The following MYO16 variants were observed in gnomAD, a reference collection of about 807,000 sequenced individuals.
MYO16 encodes the protein myosin XVI.
Under a neutral mutation model 205.3 loss-of-function variants are expected in MYO16, and 94 were observed. The ratio of observed to expected loss-of-function variants is 0.46; its 90% CI spans 0.39 to 0.54. The LOEUF (loss-of-function observed/expected upper bound fraction) is 0.54. Among genes scored for constraint, MYO16 ranks in the 20% least tolerant of loss-of-function variants. The probability of loss-of-function intolerance (pLI) is 0.00; values close to 1 mark genes in which losing one functional copy is unlikely to be tolerated. For synonymous variants in MYO16, 988 were observed against 954.0 expected, an observed-to-expected ratio of 1.04 and a Z score of -0.66; for missense variants, 2,315 against 2,387.5, an observed-to-expected ratio of 0.97 and a Z score of 0.63.
chr13:109,101,945 C>T (rs1888980263), intron 28 of MYO16: 1 of 152,062 alleles, frequency 6.6e-6, no homozygotes, highest in Admixed American at 6.6e-5. Context: ...GTGGCCCAGT[C>T]TAAGTAAAAC....
the MYO16 span, among the ~76,000 whole-genome samples, chr13:108,518,541 C>A: frequency 6.6e-6 from 1 of 152,092 alleles, no homozygotes; most frequent in Admixed American, 6.5e-5. Flanking sequence ...TTTAAAATAT[C>A]CCACTGGAAG....
At chr13:109,120,269 C>T (rs547592167) in intron 28 of MYO16, 101 bp from the exon 29 acceptor site, 1 of 780,200 alleles carries the variant, frequency 1.3e-6, no homozygotes, top group South Asian at 1.9e-5. Flanking sequence ...GAGTTTGTTT[C>T]TTCTAATCCT....
chr13:108,998,394 C>T lies in MYO16; in HGVS notation c.2442+5946C>T, dbSNP rs565939207. Among the ~76,000 whole-genome samples the T allele has an allele frequency of 2.6e-5, 4 of 152,234 alleles. No individual in the cohort carries two copies. The South Asian group carries it at 6.2e-4, about 24-fold the overall frequency. On this transcript the variant is annotated intron_variant, in intron 21 of 34. Coordinates refer to ENST00000457511, the MANE Select transcript of MYO16 (RefSeq NM_001198950.3). ...ACCCTGTTCTAGGCACTAAAGTTTACATAGACATTATGGTATGGCAGGTAA... is the reference window on the plus strand; with the variant it reads ...ACCCTGTTCTAGGCACTAAAGTTTATATAGACATTATGGTATGGCAGGTAA...
At chr13:108,745,482 C>G (rs1885032066) in intron 4 of MYO16, among the ~76,000 whole-genome samples, 1 of 152,180 alleles carries the variant, frequency 6.6e-6, no homozygotes, top group African/African-American at 2.4e-5. Context: ...AGCACAAAGT[C>G]AAGAGAGAGA....
intron 10 of MYO16, among the ~76,000 whole-genome samples, chr13:108,845,770 G>A (rs1031367835): frequency 3.3e-5 from 5 of 152,148 alleles, no homozygotes; most frequent in Non-Finnish European, 5.9e-5. Flanking sequence ...AGGCTGTAGT[G>A]CAGTGTCACA....
chr13:108,816,671 AT>A (rs1875630280), intron 7 of MYO16, among the ~76,000 whole-genome samples: 1 of 152,186 alleles, frequency 6.6e-6, no homozygotes, highest in Non-Finnish European at 1.5e-5. Context: ...TTCCTGCATC[AT>A]GTAATTCCCG....
chr13:108,971,349 TTATATATATATA>T (rs60564701), intron 20 of MYO16, among the ~76,000 whole-genome samples: 1 of 144,272 alleles, frequency 6.9e-6, no homozygotes, highest in Non-Finnish European at 1.5e-5. Context: ...TGTGTGTTGA[TTATATATATATA>T]TATATATATA....
At chr13:108,519,067 A>G in the MYO16 span, among the ~76,000 whole-genome samples, 22,129 of 152,182 alleles carry the variant, frequency 0.15, 1,959 homozygotes, top group Non-Finnish European at 0.2. Context: ...AGTGTTGAAA[A>G]TAGAAAAAAA....
In MYO16 at chr13:108,855,290, T is replaced by TTC. The variant is rs1555305950; in HGVS notation, c.1249-153_1249-152insTC. 1,185 of 393,688 alleles carry TTC rather than the reference T, an allele frequency of 3.0e-3. 2 individuals carry two copies. Among genetic ancestry groups the TTC allele is most frequent in the Non-Finnish European group, 3.6e-3 (803 of 221,216 alleles). 24.4% of individuals were successfully genotyped at this position (393,688 alleles called of 1,614,324 possible). On this transcript the variant is annotated intron_variant, in intron 10 of 34. Transcript: ENST00000457511. ...GTGGCTTTAGAGTTTTTTTTTTTTT[T>TTC]CTTTTTCATTGAACCATTTCATCTC...
At chr13:108,969,592 G>T (rs540496552) in intron 20 of MYO16, among the ~76,000 whole-genome samples, 2 of 152,224 alleles carry the variant, frequency 1.3e-5, no homozygotes, top group Non-Finnish European at 2.9e-5. Flanking sequence ...ACCTCCACTC[G>T]GGTGTTTCAT....
At chr13:108,516,495 C>G in the MYO16 span, among the ~76,000 whole-genome samples, 1 of 152,090 alleles carries the variant, frequency 6.6e-6, no homozygotes, top group Non-Finnish European at 1.5e-5. Flanking sequence ...CATCTTGGCT[C>G]GGGAAGTGAT....
chr13:108,673,017 T>C (rs985267580), intron 2 of MYO16, among the ~76,000 whole-genome samples: 1 of 152,156 alleles, frequency 6.6e-6, no homozygotes, highest in Admixed American at 6.6e-5. Context: ...CAATAACATA[T>C]GTAGTAGGTA....
chr13:109,191,325 C>T (rs1192783843), intron 34 of MYO16, among the ~76,000 whole-genome samples: 1 of 152,030 alleles, frequency 6.6e-6, no homozygotes, highest in Non-Finnish European at 1.5e-5. Context: ...GATACTTTGT[C>T]TACAAAGCAA....
At chr13:108,503,652 C>T in the MYO16 span, among the ~76,000 whole-genome samples, 19 of 152,144 alleles carry the variant, frequency 1.2e-4, 1 homozygote, top group East Asian at 3.5e-3. Context: ...ATAGAAATGC[C>T]AGAAAACGGG....
chr13:109,117,408 A>G lies in MYO16; in HGVS notation c.3439-2962A>G, dbSNP rs189616878. On this transcript the variant is annotated intron_variant, in intron 28 of 34. Coordinates refer to ENST00000457511, the MANE Select transcript of MYO16 (RefSeq NM_001198950.3). ...TGCGTGTGTATATATGTATATATAT[A>G]TGTGTATATATGTATATGTGTATAT... Among the ~76,000 whole-genome samples the G allele has an allele frequency of 7.7e-3, 1,116 of 145,204 alleles. 5 individuals are homozygous for G. Among genetic ancestry groups the G allele is most frequent in the Non-Finnish European group, 0.012 (792 of 66,686 alleles).
chr13:108,593,795 G>A (rs1017601543), upstream of MYO16, among the ~76,000 whole-genome samples: 10 of 152,002 alleles, frequency 6.6e-5, no homozygotes, highest in African/African-American at 1.5e-4. Flanking sequence ...AGAGTCTGTC[G>A]GGCTCCTATG....
chr13:108,933,224 A>C (rs1882336893), intron 16 of MYO16, among the ~76,000 whole-genome samples: 1 of 152,152 alleles, frequency 6.6e-6, no homozygotes, highest in Non-Finnish European at 1.5e-5. Flanking sequence ...GACTTCTGGG[A>C]ATTGGTAGGA....
rs756198563 is a variant in MYO16 at position 108,820,384 on chromosome 13, C to G, written c.915C>G (p.Leu305=). The G allele has an allele frequency of 2.5e-6, 4 of 1,607,232 alleles. No homozygotes were observed. The South Asian group carries it at 3.3e-5, about 13-fold the overall frequency. ...TGATGCATCAGGCAAACCCACACCT[C>G]GTGAACTGTAATGAGGAGAAGGCGT... ...LLLMHQANPH[L]VNCNEEKASD... is the part of the protein sequence containing the mutation. Residue 305 remains leucine (L), a synonymous_variant, in exon 8 of 35, where the codon CTC becomes CTG. Coordinates refer to ENST00000457511, the MANE Select transcript of MYO16 (RefSeq NM_001198950.3).
chr13:108,900,715 A>T (rs1036924313), intron 15 of MYO16, among the ~76,000 whole-genome samples: 5 of 152,118 alleles, frequency 3.3e-5, no homozygotes, highest in Non-Finnish European at 5.9e-5. Context: ...CGTTAACTGT[A>T]CGAATTGTTT....
Sources: gnomAD v4.1 joint callset for allele counts (sites outside exome capture counted in the v4.1 genomes callset) on GRCh38, gnomAD v4.1.1 for gene constraint, MANE v1.5 for transcripts, NCBI Gene and HGNC (gene_info 2026-07-23, HGNC 2026-07-21) for gene names.